FAM47E: variants seen among roughly 807,000 people sequenced by gnomAD.
The protein encoded by FAM47E is protein FAM47E.
Under a neutral mutation model 41.6 loss-of-function variants are expected in FAM47E, and 32 were observed. The ratio of observed to expected loss-of-function variants is 0.77; its 90% CI spans 0.58 to 1.03. The LOEUF is 1.03. FAM47E is among the 50% of genes least tolerant of loss of function. The pLI, the probability that FAM47E is intolerant of heterozygous loss-of-function variation, is 0.00. For missense variants in FAM47E, 424 were observed against 485.4 expected (o/e 0.87, Z 1.19); for synonymous variants, 184 against 188.7 (o/e 0.98, Z 0.20).
chr4:76,219,951 CATAA>C (rs1266059385), intron 2 of FAM47E, among the ~76,000 whole-genome samples: 4 of 152,190 alleles, frequency 2.6e-5, no homozygotes, highest in African/African-American at 4.8e-5. Context: ...CCAGTTCTTT[CATAA>C]ATAAATACTG....
At chr4:76,252,747 A>C (rs999463420) in intron 1 of FAM47E, among the ~76,000 whole-genome samples, 1 of 152,196 alleles carries the variant, frequency 6.6e-6, no homozygotes, top group Non-Finnish European at 1.5e-5. Context: ...GTTTTGAAAT[A>C]ACTGTAGGCT....
chr4:76,279,480 T>C (rs774534127), intron 6 of FAM47E: 1 of 152,220 alleles, frequency 6.6e-6, no homozygotes, highest in Non-Finnish European at 1.5e-5. Context: ...GCTAATAAAG[T>C]AGCATTATTT....
intron 2 of FAM47E, among the ~76,000 whole-genome samples, chr4:76,238,244 G>C (rs919102385): frequency 4.6e-5 from 7 of 152,212 alleles, no homozygotes; most frequent in Non-Finnish European, 7.4e-5. Context: ...AATGTTCCCA[G>C]GTTACTTTGG....
intron 7 of FAM47E, chr4:76,283,009 C>G (rs1223082310): frequency 5.9e-6 from 1 of 170,496 alleles, no homozygotes; most frequent in African/African-American, 2.4e-5. Flanking sequence ...ATGCACTTAC[C>G]TACACATTCC....
intron 6 of FAM47E, chr4:76,278,585 A>C (rs569034092): frequency 3.3e-6 from 1 of 304,570 alleles, no homozygotes; most frequent in African/African-American, 2.1e-5. Flanking sequence ...ATCTTTGGGT[A>C]ACAAAATGTG....
At chr4:76,253,488 GTTTTA>G (rs1307026068) in intron 1 of FAM47E, among the ~76,000 whole-genome samples, 1 of 152,124 alleles carries the variant, frequency 6.6e-6, no homozygotes, top group Non-Finnish European at 1.5e-5. Flanking sequence ...ATTGTTTCCA[GTTTTA>G]TTTTATGGGC....
At chr4:76,257,655 C>G (rs1266646718) in intron 2 of FAM47E, among the ~76,000 whole-genome samples, 6 of 152,106 alleles carry the variant, frequency 3.9e-5, no homozygotes, top group Admixed American at 3.9e-4. Context: ...TGTTCTGGTG[C>G]CTGAACACTT....
intron 1 of FAM47E, among the ~76,000 whole-genome samples, chr4:76,216,606 G>GTA (rs923892330): frequency 7.2e-5 from 11 of 152,196 alleles, no homozygotes; most frequent in African/African-American, 2.7e-4. Context: ...TTTGATAAAT[G>GTA]TATCTTAGTG....
intron 1 of FAM47E, chr4:76,214,530 G>C: frequency 2.9e-6 from 1 of 346,420 alleles, no homozygotes; most frequent in Non-Finnish European, 5.7e-6. Context: ...CGGAGGTGTT[G>C]AGGCCCCAAG....
At chr4:76,275,035 T>C (rs6822055) in intron 5 of FAM47E, among the ~76,000 whole-genome samples, 30,774 of 152,168 alleles carry the variant, frequency 0.2, 3,232 homozygotes, top group Middle Eastern at 0.3. Context: ...GGTTACCCAA[T>C]GTCTTGTGTC....
chr4:76,256,156 A>G lies in FAM47E; in HGVS notation c.75-22A>G, dbSNP rs979878588. 3.2e-6 allele frequency: 5 copies of G among 1,544,342 alleles called. No homozygotes were observed. The Admixed American group carries it at 9.9e-5, about 30-fold the overall frequency. Reference sequence around the variant, plus strand: ...CAGGCATGTGGTATTCTAGGTACAAAGAGAATCTATCTACCTTCCAGATGT... The same window carrying G: ...CAGGCATGTGGTATTCTAGGTACAAGGAGAATCTATCTACCTTCCAGATGT... On this transcript the variant is annotated intron_variant, in intron 1 of 7. Transcript: ENST00000424749.
At chr4:76,248,103 A>G (rs6837841), upstream of FAM47E, among the ~76,000 whole-genome samples, 111,459 of 151,090 alleles carry the variant, frequency 0.74, 42,018 homozygotes, top group East Asian at 0.82. Flanking sequence ...TTTAGTAGAG[A>G]TGGGGTTTCA....
At chr4:76,271,808 T>C in intron 5 of FAM47E, 40 bp downstream of exon 5, 21 of 1,536,344 alleles carry the variant, frequency 1.4e-5, no homozygotes, top group Non-Finnish European at 1.8e-5. Flanking sequence ...TCAAAGAAAA[T>C]TAAGTTGTAT....
intron 2 of FAM47E, among the ~76,000 whole-genome samples, chr4:76,257,513 G>T (rs1193019049): frequency 6.6e-6 from 1 of 152,034 alleles, no homozygotes. Flanking sequence ...GATCTGAAAG[G>T]CCTTGGCATT....
chr4:76,272,747 C>G (rs545857335), intron 5 of FAM47E, among the ~76,000 whole-genome samples: 2 of 152,176 alleles, frequency 1.3e-5, no homozygotes, highest in East Asian at 3.9e-4. Flanking sequence ...TGATTCTGGG[C>G]TGAATAAAAT....
At chr4:76,245,416 C>T (rs887400379) in intron 2 of FAM47E, among the ~76,000 whole-genome samples, 5 of 151,974 alleles carry the variant, frequency 3.3e-5, no homozygotes, top group Non-Finnish European at 5.9e-5. Context: ...TGACAAAAGC[C>T]GGAATCATAG....
At chr4:76,261,926 T>C (rs969517113) in intron 2 of FAM47E, among the ~76,000 whole-genome samples, 5 of 152,192 alleles carry the variant, frequency 3.3e-5, no homozygotes, top group African/African-American at 4.8e-5. Context: ...CTGCTGAAAT[T>C]CCAGGAGCTT....
chr4:76,238,213 C>T (rs541669116), intron 2 of FAM47E, among the ~76,000 whole-genome samples: 13 of 152,266 alleles, frequency 8.5e-5, no homozygotes, highest in East Asian at 5.8e-4. Context: ...CTTTGTATCA[C>T]GGTTGACCCA....
At chr4:76,224,777 TGGGGAACA>T (rs1438730266) in intron 2 of FAM47E, among the ~76,000 whole-genome samples, 1 of 152,080 alleles carries the variant, frequency 6.6e-6, no homozygotes, top group Non-Finnish European at 1.5e-5. Context: ...CAGAAGTTTT[TGGGGAACA>T]GGTGGTGTTT....
Sources: allele counts gnomAD v4.1 joint callset (sites outside exome capture counted in the v4.1 genomes callset), GRCh38; gene constraint gnomAD v4.1.1; transcripts MANE v1.5; gene names NCBI Gene and HGNC (gene_info 2026-07-23, HGNC 2026-07-21).